Variants in NCOA4 observed in about 807,000 individuals in gnomAD.
The protein encoded by NCOA4 is nuclear receptor coactivator 4.
NCOA4 carries 31 observed loss-of-function variants against 69.5 expected under a neutral mutation model. That is an observed-to-expected ratio of 0.45 (90% CI 0.34 to 0.60). NCOA4 has a LOEUF of 0.60. Among genes scored for constraint, NCOA4 ranks in the 20% least tolerant of loss-of-function variants. The probability of loss-of-function intolerance (pLI) is 0.02; values close to 1 mark genes in which losing one functional copy is unlikely to be tolerated. For missense variants in NCOA4, 600 were observed against 719.2 expected, an observed-to-expected ratio of 0.83 and a Z score of 1.90; for synonymous variants, 228 against 252.4, an observed-to-expected ratio of 0.90 and a Z score of 0.92.
intron 7 of NCOA4, among the ~76,000 whole-genome samples, chr10:46,011,933 C>T (rs1554921733): frequency 2.0e-5 from 3 of 151,350 alleles, no homozygotes; most frequent in Admixed American, 1.3e-4. Context: ...TGGTGGCAAG[C>T]GCCTGTAATC....
chr10:46,012,070 GAAAAAAAAAAAAAAAAAAAA>G (rs71026286), intron 7 of NCOA4, among the ~76,000 whole-genome samples: 25 of 44,532 alleles, frequency 5.6e-4, no homozygotes, highest in Admixed American at 4.6e-3. Flanking sequence ...CAAAAAGAAA[GAAAAAAAAAAAAAAAAAAAA>G]AAAAAAAAAA....
rs538158637 is a variant in NCOA4, at chr10:46,015,354, G to T, written c.142-88C>A. On this transcript the variant is annotated intron_variant, in intron 2 of 9. Coordinates refer to ENST00000581486, the MANE Select transcript of NCOA4 (RefSeq NM_001145263.2). ...ATAGTGAGTTTCTAAAACTTTTTTT[G>T]GGGGGGTGGGGTTGGGGGGACCACA... 7.0e-5 allele frequency: 68 copies of T among 965,314 alleles called. 1 individual carries two copies. The highest frequency in any genetic ancestry group is 2.3e-4 in the Admixed American group (11 of 47,060). 59.8% of individuals were successfully genotyped at this position (965,314 alleles called of 1,614,324 possible).
intron 5 of NCOA4, 40 bp downstream of exon 5, chr10:46,014,403 AG>A: frequency 7.2e-7 from 1 of 1,387,930 alleles, no homozygotes; most frequent in Non-Finnish European, 1.0e-6. Context: ...GTGAGGCCAC[AG>A]ATATGAGAAG....
rs782767620 is a variant in NCOA4 at position 46,009,473 on chromosome 10, G to C, written c.1777C>G (p.Leu593Val). 1.2e-6 allele frequency: 2 copies of C among 1,612,520 alleles called. No homozygotes were observed. The highest frequency in any genetic ancestry group is 2.2e-5 in the East Asian group (1 of 44,868). Residue 593 changes from leucine (L) to valine (V), a missense_variant, in exon 9 of 10, where the codon CTC (leucine) becomes GTC (valine). Coordinates refer to ENST00000581486, the MANE Select transcript of NCOA4 (RefSeq NM_001145263.2). The stretch of plus-strand genomic sequence containing the variant: ...ACTTTAAGCTGCATACAGGCAAAGA[G>C]ATCACAAACTGCAGGGAGGCCATAA... Reference protein sequence around the residue: ...DHYGLPAVCDLFACMQLKVDK... With the variant: ...DHYGLPAVCDVFACMQLKVDK...
intron 1 of NCOA4, chr10:46,019,320 T>C: frequency 1.0e-6 from 1 of 985,356 alleles, no homozygotes; most frequent in East Asian, 1.1e-4. Flanking sequence ...CTATGAAAAA[T>C]ACCTGTATCA....
At chr10:46,010,097 A>G in intron 8 of NCOA4, 126 bp downstream of exon 8, 1 of 1,204,154 alleles carries the variant, frequency 8.3e-7, no homozygotes, top group Non-Finnish European at 1.1e-6. Flanking sequence ...GAGCCTCGGA[A>G]GGGGAGGTTG....
intron 7 of NCOA4, among the ~76,000 whole-genome samples, chr10:46,012,093 A>AAAAAAAAAAAAC (rs1839262169): frequency 6.7e-6 from 1 of 148,804 alleles, no homozygotes; most frequent in Non-Finnish European, 1.5e-5. Context: ...AAAAAAAAAA[A>AAAAAAAAAAAAC]AAAAAAAAAA....
At chr10:46,014,659 C>A in intron 4 of NCOA4, 107 bp from the exon 5 acceptor site, 1 of 870,862 alleles carries the variant, frequency 1.1e-6, no homozygotes, top group South Asian at 1.7e-5. Context: ...TTACACTTCT[C>A]TAAGAAACTC....
intron 1 of NCOA4, among the ~76,000 whole-genome samples, chr10:46,017,094 C>G (rs1247461637): frequency 6.6e-6 from 1 of 152,198 alleles, no homozygotes; most frequent in African/African-American, 2.4e-5. Flanking sequence ...CTAAAAGGTA[C>G]AGAAGGATCT....
chr10:46,011,618 G>A (rs1341593953), intron 7 of NCOA4, among the ~76,000 whole-genome samples: 1 of 151,982 alleles, frequency 6.6e-6, no homozygotes, highest in African/African-American at 2.4e-5. Context: ...TGAAATTTAA[G>A]TACACAAAGC....
At chr10:46,017,040 T>C (rs1839604196) in intron 1 of NCOA4, among the ~76,000 whole-genome samples, 3 of 152,204 alleles carry the variant, frequency 2.0e-5, no homozygotes, top group African/African-American at 7.2e-5. Flanking sequence ...ACACATATAG[T>C]CATATGAGGC....
Position 46,005,446 on chromosome 10 carries a change from C to T in NCOA4, c.*1146G>A, listed in dbSNP as rs1838757234. 1 of 219,800 alleles carries T rather than the reference C, an allele frequency of 4.5e-6. No homozygotes were observed. The highest frequency in any genetic ancestry group is 9.1e-6 in the Non-Finnish European group (1 of 109,388). The allele number at this position is 219,800 out of a possible 1,614,324, so 13.6% of individuals were successfully genotyped here. On this transcript the variant is annotated 3_prime_UTR_variant, in exon 10 of 10. Transcript: ENST00000581486. ...TTTCCGGTAAGAGGCAGTTAAGAAG[C>T]TTAATAGTTTCAAAGTCTGGAAAGC...
intron 1 of NCOA4, among the ~76,000 whole-genome samples, chr10:46,030,308 C>T (rs1314717583): frequency 6.7e-6 from 1 of 149,394 alleles, no homozygotes; most frequent in African/African-American, 2.5e-5. Context: ...AAGGCGAGAA[C>T]GTAGGCCCGG....
At chr10:46,028,468 C>T (rs906926377) in intron 1 of NCOA4, among the ~76,000 whole-genome samples, 9 of 150,946 alleles carry the variant, frequency 6.0e-5, no homozygotes, top group African/African-American at 1.7e-4. Context: ...TACTATGTGC[C>T]GAGCCTTTTT....
At chr10:46,014,369 T>C (rs1430522688) in intron 5 of NCOA4, 75 bp downstream of exon 5, 6 of 1,067,978 alleles carry the variant, frequency 5.6e-6, no homozygotes. Context: ...TCACTATTCA[T>C]AGCAATTTTT....
rs1167922829 is a variant in NCOA4 at position 46,006,475 on chromosome 10, GAGA to G, written c.*114_*116del. 1.0e-4 allele frequency: 121 copies of G among 1,157,454 alleles called. No homozygotes were observed. The South Asian group carries it at 1.4e-3, about 14-fold the overall frequency. The allele number at this position is 1,157,454 out of a possible 1,614,324, so 71.7% of individuals were successfully genotyped here. A position where few individuals can be genotyped will look rare whatever the true frequency, so the allele number is the denominator to read the frequency against. On this transcript the variant is annotated 3_prime_UTR_variant, in exon 10 of 10. Transcript: ENST00000581486. ...GCTTTACTAGTTCAAAATTAGGCAG[GAGA>G]AGAACTAAGCTAATTGGTCAGACCC...
At chr10:46,030,184 CAGG>C (rs1477577741) in intron 1 of NCOA4, among the ~76,000 whole-genome samples, 3 of 152,006 alleles carry the variant, frequency 2.0e-5, no homozygotes, top group Non-Finnish European at 4.4e-5. Context: ...CGGCGGGGAG[CAGG>C]AGGTGTCCGA....
chr10:46,025,613 G>A (rs1255942249), intron 1 of NCOA4, among the ~76,000 whole-genome samples: 1 of 152,178 alleles, frequency 6.6e-6, no homozygotes, highest in South Asian at 2.1e-4. Context: ...GGCTATGCCA[G>A]TTCTGTCAGC....
chr10:46,005,127 C>T lies in NCOA4; in HGVS notation c.*1465G>A, dbSNP rs2132298536. 1 of 190,164 alleles carries T rather than the reference C, an allele frequency of 5.3e-6. No individual in the cohort carries two copies. Among genetic ancestry groups the T allele is most frequent in the East Asian group, 8.3e-5 (1 of 11,996 alleles). The allele number at this position is 190,164 out of a possible 1,614,324, so 11.8% of individuals were successfully genotyped here. A position where few individuals can be genotyped will look rare whatever the true frequency, so the allele number is the denominator to read the frequency against. On this transcript the variant is annotated 3_prime_UTR_variant, in exon 10 of 10. Coordinates refer to ENST00000581486, the MANE Select transcript of NCOA4 (RefSeq NM_001145263.2). ...TTTTAATGGAAGCAGATACAAAATT[C>T]ATCAATGCAAAAGAATGTTTTACAT...
Sources: allele counts gnomAD v4.1 joint callset (sites outside exome capture counted in the v4.1 genomes callset), GRCh38; gene constraint gnomAD v4.1.1; transcripts MANE v1.5; gene names NCBI Gene and HGNC (gene_info 2026-07-23, HGNC 2026-07-21).